Variants in PLAGL1 observed in about 807,000 individuals in gnomAD.
The protein encoded by PLAGL1 is zinc finger protein PLAGL1.
PLAGL1 carries 1 observed loss-of-function variant against 4.6 expected under a neutral mutation model. That is an observed-to-expected ratio of 0.22 (90% CI 0.08 to 1.03). PLAGL1 has a LOEUF of 1.03. Among genes scored for constraint, PLAGL1 ranks in the 50% least tolerant of loss-of-function variants. The probability of loss-of-function intolerance (pLI) is 0.58; values close to 1 mark genes in which losing one functional copy is unlikely to be tolerated. For synonymous variants in PLAGL1, 240 were observed against 237.8 expected (o/e 1.01, Z -0.08); for missense variants, 464 against 570.4 (o/e 0.81, Z 1.90).
intron 1 of PLAGL1, among the ~76,000 whole-genome samples, chr6:144,047,290 G>T (rs1225419560): frequency 2.6e-5 from 4 of 152,182 alleles, no homozygotes; most frequent in Admixed American, 6.5e-5. Context: ...GATCACACTG[G>T]GAGCTGCAGA....
At position 143,953,675 on chromosome 6, in the gene PLAGL1, A is replaced by C. The variant is rs947335855; in HGVS notation, c.-324-5215T>G. Among the ~76,000 whole-genome samples the C allele has an allele frequency of 6.6e-6, 1 of 152,216 alleles. No individual in the cohort carries two copies. Among genetic ancestry groups the C allele is most frequent in the Non-Finnish European group, 1.5e-5 (1 of 68,030 alleles). On this transcript the variant is annotated intron_variant, in intron 6 of 7. Coordinates refer to ENST00000674357, the MANE Select transcript of PLAGL1 (RefSeq NM_001317162.2). The surrounding 1 kb of genome is among the most constrained non-coding windows in gnomAD (Gnocchi z 5.3). Reference sequence around the variant, plus strand: ...TTTTTCTAAAACACAGCCTAATATAAAAGGGAGAAAACAACAAATTTTGGA... The same window carrying C: ...TTTTTCTAAAACACAGCCTAATATACAAGGGAGAAAACAACAAATTTTGGA...
rs953176448 is a variant in PLAGL1 at position 143,982,597 on chromosome 6, G to A, written c.-544+2538C>T. 2.0e-5 allele frequency among the ~76,000 whole-genome samples: 3 copies of A among 152,156 alleles called. No individual in the cohort carries two copies. The highest frequency in any genetic ancestry group is 7.2e-5 in the African/African-American group (3 of 41,434). On this transcript the variant is annotated intron_variant, in intron 2 of 7. Coordinates refer to ENST00000674357, the MANE Select transcript of PLAGL1 (RefSeq NM_001317162.2). The surrounding 1 kb of genome is among the most constrained non-coding windows in gnomAD (Gnocchi z 5.3). ...ATGAAACCAGGGAGACCAGTTAGAA[G>A]GCTACTCTTATAAAGAGATGATGAA... is the stretch of plus-strand genomic sequence containing the variant.
At position 144,041,234 on chromosome 6, in the gene PLAGL1, C is replaced by A. The variant is rs985957527; in HGVS notation, c.-151+23234G>T. ...TTCTAGGGTACATATGCACAACATGCAGGTTTGTTACATATGTATACATGT... is the reference window on the plus strand; with the variant it reads ...TTCTAGGGTACATATGCACAACATGAAGGTTTGTTACATATGTATACATGT... On this transcript the variant is annotated intron_variant, in intron 1 of 3. Coordinates refer to the PLAGL1 transcript ENST00000437412. Among the ~76,000 whole-genome samples the A allele has an allele frequency of 2.0e-5, 3 of 152,122 alleles. No individual in the cohort carries two copies. In the East Asian group the frequency reaches 5.8e-4, roughly 29 times the overall value.
At chr6:144,024,534 C>T (rs1030596305) in intron 1 of PLAGL1, among the ~76,000 whole-genome samples, 8 of 152,186 alleles carry the variant, frequency 5.3e-5, no homozygotes, top group East Asian at 1.9e-4. Flanking sequence ...CCATGTAAGA[C>T]GTTCCATGCA....
chr6:144,024,399 C>A (rs1361620638), intron 1 of PLAGL1, among the ~76,000 whole-genome samples: 1 of 152,172 alleles, frequency 6.6e-6, no homozygotes, highest in Non-Finnish European at 1.5e-5. Context: ...AGAGCAGGGA[C>A]AGGTGGAGAT....
chr6:144,058,877 G>T (rs1037260878), intron 1 of PLAGL1, among the ~76,000 whole-genome samples: 8 of 152,132 alleles, frequency 5.3e-5, no homozygotes, highest in Non-Finnish European at 1.0e-4. Flanking sequence ...CTCACAGGCT[G>T]GAGTTGAGTG....
At chr6:143,991,281 G>A (rs1452357500) in intron 1 of PLAGL1, among the ~76,000 whole-genome samples, 1 of 152,166 alleles carries the variant, frequency 6.6e-6, no homozygotes, top group East Asian at 1.9e-4. Flanking sequence ...GACCAACTAA[G>A]TTCAAAGCTA....
chr6:143,965,107 C>T lies in PLAGL1; in HGVS notation c.-430-289G>A, dbSNP rs1444722193. ...TGCTTTAGGGGAGAGAAGATCCTAA[C>T]CCAAAAGAAAGGATATAAATCTTTA... On this transcript the variant is annotated intron_variant, in intron 4 of 7. Coordinates refer to ENST00000674357, the MANE Select transcript of PLAGL1 (RefSeq NM_001317162.2). This position sits in a 1 kb window ranked among gnomAD's most constrained non-coding sequence, Gnocchi z 7.5. 6.6e-6 allele frequency: 1 copy of T among 152,058 alleles called. No individual in the cohort carries two copies. Among genetic ancestry groups the T allele is most frequent in the Non-Finnish European group, 1.5e-5 (1 of 67,992 alleles). 9.4% of individuals were successfully genotyped at this position (152,058 alleles called of 1,614,324 possible).
At position 144,027,749 on chromosome 6, in the gene PLAGL1, T is replaced by C. The variant is rs1281114346; in HGVS notation, c.-151+36719A>G. On this transcript the variant is annotated intron_variant, in intron 1 of 3. Transcript: ENST00000437412. This position sits in a 1 kb window ranked among gnomAD's most constrained non-coding sequence, Gnocchi z 5.8. Reference sequence around the variant, plus strand: ...CTCTTTAGTGGGAAACACTTCGCTCTGTCAGGGAAATGTTAATCATATTTG... The same window carrying C: ...CTCTTTAGTGGGAAACACTTCGCTCCGTCAGGGAAATGTTAATCATATTTG... Among the ~76,000 whole-genome samples the C allele has an allele frequency of 6.6e-6, 1 of 152,028 alleles. No individual in the cohort carries two copies. The highest frequency in any genetic ancestry group is 2.4e-5 in the African/African-American group (1 of 41,252).
chr6:143,970,439 T>C lies in PLAGL1; in HGVS notation c.-543-1461A>G, dbSNP rs1583299557. Among the ~76,000 whole-genome samples the C allele has an allele frequency of 6.6e-6, 1 of 152,252 alleles. No individual in the cohort carries two copies. The highest frequency in any genetic ancestry group is 1.5e-5 in the Non-Finnish European group (1 of 68,034). ...GTATCTAATTATTACAGATGATCTT[T>C]ATAATAGTCATATCTGATCTTATAC... On this transcript the variant is annotated intron_variant, in intron 2 of 7. Coordinates refer to ENST00000674357, the MANE Select transcript of PLAGL1 (RefSeq NM_001317162.2). This position sits in a 1 kb window ranked among gnomAD's most constrained non-coding sequence, Gnocchi z 5.8.
rs1347827654 is a variant in PLAGL1 at position 143,979,396 on chromosome 6, T to C, written c.-544+5739A>G. Among the ~76,000 whole-genome samples the C allele has an allele frequency of 6.6e-6, 1 of 152,164 alleles. No individual in the cohort carries two copies. The highest frequency in any genetic ancestry group is 2.4e-5 in the African/African-American group (1 of 41,480). On this transcript the variant is annotated intron_variant, in intron 2 of 7. Transcript: ENST00000674357. This position sits in a 1 kb window ranked among gnomAD's most constrained non-coding sequence, Gnocchi z 4.6. ...GGCTGAAATGTACGATCTTGTTATT[T>C]GTTGTCTAATTGCCTCAATTATTCT...
intron 7 of PLAGL1, among the ~76,000 whole-genome samples, chr6:143,946,136 G>C (rs1779728832): frequency 6.6e-6 from 1 of 152,182 alleles, no homozygotes; most frequent in South Asian, 2.1e-4. Flanking sequence ...TGAAAAGTCA[G>C]CCTTCGGTAT....
chr6:143,988,870 T>C (rs1193651492), intron 1 of PLAGL1, among the ~76,000 whole-genome samples: 1 of 152,174 alleles, frequency 6.6e-6, no homozygotes, highest in Non-Finnish European at 1.5e-5. Context: ...ATTTCTTCCC[T>C]AAGGCCCCAC....
intron 1 of PLAGL1, among the ~76,000 whole-genome samples, chr6:144,041,794 TC>T (rs1797752382): frequency 6.6e-6 from 1 of 152,190 alleles, no homozygotes; most frequent in Non-Finnish European, 1.5e-5. Context: ...TAGTTTACAC[TC>T]CCAACAATGG....
rs372792641 is a variant in PLAGL1, at chr6:143,985,982, T to TTTTATATA, written c.-583-809_-583-808insTATATAAA. On this transcript the variant is annotated intron_variant, in intron 1 of 7. Coordinates refer to ENST00000674357, the MANE Select transcript of PLAGL1 (RefSeq NM_001317162.2). This position sits in a 1 kb window ranked among gnomAD's most constrained non-coding sequence, Gnocchi z 4.4. ...TATATCAAATTATATATATATAAAA[T>TTTTATATA]TATATATATATATATATATATATAT... Among the ~76,000 whole-genome samples, 2 of 111,576 alleles carry TTTTATATA rather than the reference T, an allele frequency of 1.8e-5. No individual in the cohort carries two copies. Among genetic ancestry groups the TTTTATATA allele is most frequent in the South Asian group, 3.0e-4 (1 of 3,334 alleles). 73.2% of individuals were successfully genotyped at this position (111,576 alleles called of 152,430 possible).
rs1554263920 is a variant in PLAGL1 at position 143,985,982 on chromosome 6, T to TATATATA, written c.-583-809_-583-808insTATATAT. On this transcript the variant is annotated intron_variant, in intron 1 of 7. Coordinates refer to ENST00000674357, the MANE Select transcript of PLAGL1 (RefSeq NM_001317162.2). This position sits in a 1 kb window ranked among gnomAD's most constrained non-coding sequence, Gnocchi z 4.4. ...TATATCAAATTATATATATATAAAA[T>TATATATA]TATATATATATATATATATATATAT... Among the ~76,000 whole-genome samples the TATATATA allele has an allele frequency of 4.5e-5, 5 of 111,576 alleles. No homozygotes were observed. Among genetic ancestry groups the TATATATA allele is most frequent in the Admixed American group, 9.1e-5 (1 of 11,022 alleles). 73.2% of individuals were successfully genotyped at this position (111,576 alleles called of 152,430 possible).
rs1214425887 is a variant in PLAGL1 at position 143,990,716 on chromosome 6, T to G, written c.-583-5542A>C. Among the ~76,000 whole-genome samples the G allele has an allele frequency of 6.6e-6, 1 of 152,208 alleles. No homozygotes were observed. The highest frequency in any genetic ancestry group is 1.5e-5 in the Non-Finnish European group (1 of 68,028). ...AAAAACGTACCTTCCCTTCAAGATA[T>G]GCAAGAGCCCAGAGCTGCCCCAAGG... is the stretch of plus-strand genomic sequence containing the variant. On this transcript the variant is annotated intron_variant, in intron 1 of 7. Coordinates refer to ENST00000674357, the MANE Select transcript of PLAGL1 (RefSeq NM_001317162.2). This position sits in a 1 kb window ranked among gnomAD's most constrained non-coding sequence, Gnocchi z 5.4.
At chr6:144,001,396 G>T (rs1437430142) in intron 1 of PLAGL1, among the ~76,000 whole-genome samples, 2 of 151,948 alleles carry the variant, frequency 1.3e-5, no homozygotes, top group Non-Finnish European at 2.9e-5. Flanking sequence ...TCTTAGAGAA[G>T]AATTTCTATT....
chr6:144,058,243 G>A (rs1799133134), intron 1 of PLAGL1, among the ~76,000 whole-genome samples: 1 of 152,162 alleles, frequency 6.6e-6, no homozygotes, highest in African/African-American at 2.4e-5. Context: ...CAAGGTGAGG[G>A]AGTTGCCACA....
Sources: gnomAD v4.1 joint callset for allele counts (sites outside exome capture counted in the v4.1 genomes callset) on GRCh38, gnomAD v4.1.1 for gene constraint, Gnocchi (gnomAD v3.1) non-coding constraint, MANE v1.5 for transcripts, NCBI Gene and HGNC (gene_info 2026-07-23, HGNC 2026-07-21) for gene names.